The following FAM171A1 variants were observed in gnomAD, a reference collection of about 807,000 sequenced individuals.
FAM171A1 encodes the protein family with sequence similarity 171 member A1.
Under a neutral mutation model 74.9 loss-of-function variants are expected in FAM171A1, and 23 were observed. The observed-to-expected ratio is 0.31, with a 90% confidence interval of 0.22 to 0.44. The LOEUF (loss-of-function observed/expected upper bound fraction) is 0.44. Among genes scored for constraint, FAM171A1 ranks in the 20% least tolerant of loss-of-function variants. The pLI, the probability that FAM171A1 is intolerant of heterozygous loss-of-function variation, is 1.00. For missense variants in FAM171A1, 1,162 were observed against 1,159.2 expected (o/e 1.00, Z -0.03); for synonymous variants, 527 against 505.7 (o/e 1.04, Z -0.57).
At chr10:15,324,094 T>C (rs888172306) in intron 1 of FAM171A1, among the ~76,000 whole-genome samples, 3 of 152,216 alleles carry the variant, frequency 2.0e-5, no homozygotes, top group African/African-American at 7.2e-5. Context: ...AAGTGGCTCT[T>C]AGCAAGATAA....
chr10:15,301,364 T>TA (rs1323089320), intron 1 of FAM171A1, among the ~76,000 whole-genome samples: 11,410 of 102,512 alleles, frequency 0.11, 640 homozygotes, highest in East Asian at 0.4. Context: ...ATATATATAT[T>TA]TTTTTTTTTT....
chr10:15,310,565 A>G (rs1355241968), intron 1 of FAM171A1, among the ~76,000 whole-genome samples: 1 of 152,164 alleles, frequency 6.6e-6, no homozygotes, highest in Non-Finnish European at 1.5e-5. Flanking sequence ...TCCTTCTAGT[A>G]TAAAGACCCA....
chr10:15,228,732 T>G (rs564672092), intron 5 of FAM171A1, among the ~76,000 whole-genome samples: 25 of 152,318 alleles, frequency 1.6e-4, no homozygotes, highest in South Asian at 1.0e-3. Context: ...AAAGGGTCAA[T>G]GGACCATACA....
chr10:15,220,226 T>C (rs1029037124), intron 6 of FAM171A1, among the ~76,000 whole-genome samples: 2 of 152,038 alleles, frequency 1.3e-5, no homozygotes, highest in Non-Finnish European at 2.9e-5. Flanking sequence ...GCATAAAGAT[T>C]TGCCACCAAG....
intron 2 of FAM171A1, among the ~76,000 whole-genome samples, chr10:15,279,763 C>T (rs1409530565): frequency 2.0e-5 from 3 of 151,940 alleles, no homozygotes; most frequent in African/African-American, 7.3e-5. Flanking sequence ...ACTAAAGATA[C>T]AAAAATTAGC....
intron 6 of FAM171A1, among the ~76,000 whole-genome samples, chr10:15,219,006 G>A (rs1189897842): frequency 1.3e-5 from 2 of 152,196 alleles, no homozygotes; most frequent in African/African-American, 2.4e-5. Context: ...ATACTGGACA[G>A]GCGCAGTGGC....
At chr10:15,313,298 G>C (rs1307896637) in intron 1 of FAM171A1, among the ~76,000 whole-genome samples, 2 of 152,170 alleles carry the variant, frequency 1.3e-5, no homozygotes, top group East Asian at 3.9e-4. Context: ...ATGCTTTCAG[G>C]GTTTGCCACT....
intron 1 of FAM171A1, among the ~76,000 whole-genome samples, chr10:15,328,462 T>A (rs749819915): frequency 6.6e-6 from 1 of 152,194 alleles, no homozygotes; most frequent in Non-Finnish European, 1.5e-5. Context: ...TTGTTTTAAA[T>A]CAGGAACTGA....
intron 1 of FAM171A1, among the ~76,000 whole-genome samples, chr10:15,363,441 T>C (rs554914170): frequency 3.3e-5 from 5 of 152,348 alleles, no homozygotes; most frequent in East Asian, 3.9e-4. Context: ...ATGAATACTA[T>C]GTCTAAGCTA....
chr10:15,308,751 C>T (rs1158480911), intron 1 of FAM171A1, among the ~76,000 whole-genome samples: 1 of 152,184 alleles, frequency 6.6e-6, no homozygotes, highest in Non-Finnish European at 1.5e-5. Context: ...CATTTTAGTT[C>T]CTTTTTAAAC....
In FAM171A1 at chr10:15,212,723, A is replaced by G; in HGVS notation, c.*192T>C. The G allele has an allele frequency of 2.4e-6, 2 of 825,040 alleles. No individual in the cohort carries two copies. The highest frequency in any genetic ancestry group is 3.7e-6 in the Non-Finnish European group (2 of 546,000). The allele number at this position is 825,040 out of a possible 1,614,324, so 51.1% of individuals were successfully genotyped here. ...TCCTTGCAGGGGCGACATCCGCCAA[A>G]GTCATCCTTTATTCCGAGTAATAAC... On this transcript the variant is annotated 3_prime_UTR_variant, in exon 8 of 8. Transcript: ENST00000378116.
chr10:15,370,559 C>T (rs1231670532), intron 1 of FAM171A1, among the ~76,000 whole-genome samples: 1 of 151,988 alleles, frequency 6.6e-6, no homozygotes, highest in African/African-American at 2.4e-5. Flanking sequence ...GAGCCGGGAG[C>T]GCGATCGGGC....
At position 15,211,758 on chromosome 10, in the gene FAM171A1, CT is replaced by C. The variant is rs768755924; in HGVS notation, c.*1156del. 0.054 allele frequency: 7,785 copies of C among 145,400 alleles called. 437 individuals are homozygous for C. Among genetic ancestry groups the C allele is most frequent in the African/African-American group, 0.14 (5,805 of 40,320 alleles). The allele number at this position is 145,400 out of a possible 1,614,324, so 9.0% of individuals were successfully genotyped here. On this transcript the variant is annotated 3_prime_UTR_variant, in exon 8 of 8. Coordinates refer to ENST00000378116, the MANE Select transcript of FAM171A1 (RefSeq NM_001010924.2). Reference sequence around the variant, plus strand: ...ACTTTTGGATAGTACATAAGATTTTCTTTTTTTTTTTTAAATTTTTTTTAAT... The same window carrying C: ...ACTTTTGGATAGTACATAAGATTTTCTTTTTTTTTTTAAATTTTTTTTAAT...
chr10:15,286,936 T>C (rs1835041780), intron 1 of FAM171A1, among the ~76,000 whole-genome samples: 1 of 151,982 alleles, frequency 6.6e-6, no homozygotes, highest in Non-Finnish European at 1.5e-5. Context: ...CAGAAACCAA[T>C]CTTGGCTACT....
intron 1 of FAM171A1, among the ~76,000 whole-genome samples, chr10:15,302,764 T>G (rs1172278368): frequency 6.6e-6 from 1 of 152,252 alleles, no homozygotes; most frequent in East Asian, 1.9e-4. Context: ...TGCCACTCAT[T>G]TAACATTCAA....
At chr10:15,285,866 C>T (rs1835029697) in intron 1 of FAM171A1, among the ~76,000 whole-genome samples, 1 of 152,206 alleles carries the variant, frequency 6.6e-6, no homozygotes, top group African/African-American at 2.4e-5. Flanking sequence ...AGCAGCCTGA[C>T]AGCGAGGATG....
chr10:15,301,661 T>C (rs58959772), intron 1 of FAM171A1, among the ~76,000 whole-genome samples: 3,583 of 152,286 alleles, frequency 0.024, 145 homozygotes, highest in African/African-American at 0.082. Flanking sequence ...TGTGCAGGTA[T>C]CCTCTGGCCC....
chr10:15,321,215 A>G (rs1012125023), intron 1 of FAM171A1, among the ~76,000 whole-genome samples: 1 of 152,238 alleles, frequency 6.6e-6, no homozygotes, highest in South Asian at 2.1e-4. Flanking sequence ...AAGATGGTGC[A>G]TATGAATTCC....
At chr10:15,261,445 C>T (rs1834655818) in intron 3 of FAM171A1, among the ~76,000 whole-genome samples, 1 of 152,192 alleles carries the variant, frequency 6.6e-6, no homozygotes. Context: ...ATCACATCAT[C>T]CTTCTTTTCT....
Sources: allele counts gnomAD v4.1 joint callset (sites outside exome capture counted in the v4.1 genomes callset), GRCh38; gene constraint gnomAD v4.1.1; transcripts MANE v1.5; gene names NCBI Gene and HGNC (gene_info 2026-07-23, HGNC 2026-07-21).